Variants in CCDC30 observed in about 807,000 individuals in gnomAD.
CCDC30 encodes coiled-coil domain-containing protein 30.
Under a neutral mutation model 100.2 loss-of-function variants are expected in CCDC30, and 70 were observed. The ratio of observed to expected loss-of-function variants is 0.70; its 90% confidence interval spans 0.58 to 0.85. The LOEUF is 0.85. Among genes scored for constraint, CCDC30 ranks in the 40% least tolerant of loss-of-function variants. CCDC30 has a pLI of 0.00. For synonymous variants in CCDC30, 233 were observed against 269.5 expected (o/e 0.86, Z 1.33); for missense variants, 652 against 771.2 (o/e 0.85, Z 1.83).
At chr1:42,538,272 G>A (rs971814639) in intron 6 of CCDC30, among the ~76,000 whole-genome samples, 2 of 151,342 alleles carry the variant, frequency 1.3e-5, no homozygotes, top group South Asian at 4.2e-4. Flanking sequence ...CAAGGCTTCA[G>A]TGAGCTGTGA....
At chr1:42,611,388 C>T (rs1414159757) in intron 11 of CCDC30, among the ~76,000 whole-genome samples, 1 of 152,062 alleles carries the variant, frequency 6.6e-6, no homozygotes, top group African/African-American at 2.4e-5. Context: ...TTTTTTTCAC[C>T]TCACATACTT....
intron 10 of CCDC30, among the ~76,000 whole-genome samples, chr1:42,605,505 G>T (rs1374469891): frequency 6.6e-6 from 1 of 152,032 alleles, no homozygotes; most frequent in East Asian, 1.9e-4. Context: ...TTCAGACAGG[G>T]TCTCACTCTG....
intron 6 of CCDC30, among the ~76,000 whole-genome samples, chr1:42,538,411 TTAAA>T (rs1281538313): frequency 1.3e-5 from 2 of 151,874 alleles, no homozygotes; most frequent in African/African-American, 4.8e-5. Context: ...CTGAATATAA[TTAAA>T]TAAGCATAAT....
At position 42,487,405 on chromosome 1, in the gene CCDC30, C is replaced by G. The variant is rs534506242; in HGVS notation, c.170-2753C>G. Among the ~76,000 whole-genome samples the G allele has an allele frequency of 8.6e-5, 13 of 151,910 alleles. No homozygotes were observed. The East Asian group carries it at 2.3e-3, about 27-fold the overall frequency. On this transcript the variant is annotated intron_variant, in intron 3 of 16. Transcript: ENST00000668663. ...AAGGTGGCCTCCAAGAGCCCCACCC[C>G]CTGGTATACACACATATTTTCCCAG... is the stretch of plus-strand genomic sequence containing the variant.
exon 8 of CCDC30, chr1:42,577,111 A>C: frequency 6.2e-7 from 1 of 1,614,122 alleles, no homozygotes; most frequent in Non-Finnish European, 8.5e-7. Flanking sequence ...CACTGTCAGC[A>C]GAAAATCAAG....
intron 6 of CCDC30, among the ~76,000 whole-genome samples, chr1:42,563,040 G>A (rs7548039): frequency 0.24 from 37,061 of 152,078 alleles, 4,959 homozygotes; most frequent in South Asian, 0.42. Flanking sequence ...GTGGAAGACA[G>A]CATGGTGATT....
intron 7 of CCDC30, among the ~76,000 whole-genome samples, chr1:42,572,597 A>T (rs981064615): frequency 6.6e-6 from 1 of 152,116 alleles, no homozygotes; most frequent in Admixed American, 6.5e-5. Context: ...CTACATTAAC[A>T]TTTATTTATG....
At chr1:42,554,397 C>G (rs1645324942) in intron 6 of CCDC30, among the ~76,000 whole-genome samples, 2 of 151,820 alleles carry the variant, frequency 1.3e-5, no homozygotes, top group South Asian at 4.1e-4. Context: ...CCTGCCTCAG[C>G]CTCCCAAGTA....
chr1:42,550,143 C>G (rs1645220222), intron 6 of CCDC30, among the ~76,000 whole-genome samples: 1 of 152,156 alleles, frequency 6.6e-6, no homozygotes, highest in Admixed American at 6.5e-5. Context: ...TTTGATTCTT[C>G]CCCACATCTG....
chr1:42,637,823 C>G (rs1366057060), intron 12 of CCDC30, among the ~76,000 whole-genome samples: 1 of 152,108 alleles, frequency 6.6e-6, no homozygotes, highest in African/African-American at 2.4e-5. Context: ...TCTTATTGCC[C>G]TTGTGACTTA....
At chr1:42,484,615 G>A (rs1049974336) in intron 3 of CCDC30, among the ~76,000 whole-genome samples, 55 of 152,282 alleles carry the variant, frequency 3.6e-4, no homozygotes, top group African/African-American at 1.3e-3. Context: ...CAGTATCAGT[G>A]TGTGCGCCAT....
At chr1:42,549,390 C>G (rs903793703) in intron 6 of CCDC30, among the ~76,000 whole-genome samples, 14 of 152,164 alleles carry the variant, frequency 9.2e-5, no homozygotes, top group Non-Finnish European at 2.1e-4. Context: ...ACCAGCAGGA[C>G]TGGGATGAGG....
the CCDC30 span, chr1:42,456,781 C>G: frequency 3.1e-6 from 5 of 1,612,834 alleles, no homozygotes; most frequent in African/African-American, 6.7e-5. Flanking sequence ...CGGCCGAGGC[C>G]TTCCTAGCCG....
In CCDC30 at chr1:42,644,795, T is replaced by C. The variant is rs149238496; in HGVS notation, c.1659T>C (p.Ile553=). 19 of 1,607,654 alleles carry C rather than the reference T, an allele frequency of 1.2e-5. No homozygotes were observed. The Middle Eastern group carries it at 8.3e-4, about 70-fold the overall frequency. Residue 553 remains isoleucine (I), a synonymous_variant, in exon 14 of 17, where the codon ATT becomes ATC. Coordinates refer to ENST00000668663, the Ensembl canonical transcript of CCDC30. ...AGCGAATTATAAGGAGCATCCATATTCGCAGAGGAGAGGTAAGATGTGTGC... is the reference window on the plus strand; with the variant it reads ...AGCGAATTATAAGGAGCATCCATATCCGCAGAGGAGAGGTAAGATGTGTGC...
At chr1:42,457,271 C>G in the CCDC30 span, 1 of 1,614,224 alleles carries the variant, frequency 6.2e-7, no homozygotes, top group Non-Finnish European at 8.5e-7. Context: ...TTTTACCTGG[C>G]TGCGGCTGTG....
At chr1:42,459,474 TA>T, upstream of CCDC30, 1 of 845,662 alleles carries the variant, frequency 1.2e-6, no homozygotes. Context: ...CTTTTTAAAC[TA>T]AACATTTAAC....
chr1:42,622,921 A>G lies in CCDC30; in HGVS notation c.1277+11831A>G, dbSNP rs535691139. 4.6e-5 allele frequency among the ~76,000 whole-genome samples: 7 copies of G among 152,266 alleles called. No individual in the cohort carries two copies. In the East Asian group the frequency reaches 1.3e-3, roughly 29 times the overall value. ...ATTGCCTGTCTTTTGCATAAAAGCC[A>G]TTTTAACTGGGGTGCGATGACCTCT... On this transcript the variant is annotated intron_variant, in intron 11 of 16. Transcript: ENST00000668663.
At chr1:42,546,986 A>G (rs1188538247) in intron 6 of CCDC30, among the ~76,000 whole-genome samples, 1 of 152,164 alleles carries the variant, frequency 6.6e-6, no homozygotes, top group Admixed American at 6.5e-5. Flanking sequence ...GATGTAGACA[A>G]AGTTATATCT....
At chr1:42,631,774 G>A (rs905351509) in intron 11 of CCDC30, among the ~76,000 whole-genome samples, 1 of 152,134 alleles carries the variant, frequency 6.6e-6, no homozygotes, top group Non-Finnish European at 1.5e-5. Context: ...CAGGCCCATG[G>A]AGAGTACTGC....
Sources: allele counts gnomAD v4.1 joint callset (sites outside exome capture counted in the v4.1 genomes callset), GRCh38; gene constraint gnomAD v4.1.1; transcripts MANE v1.5; gene names NCBI Gene and HGNC (gene_info 2026-07-23, HGNC 2026-07-21).